CALN1: variants seen among roughly 807,000 people sequenced by gnomAD.
CALN1 encodes calcium-binding protein 8.
A neutral mutation model predicts 30.6 loss-of-function variants in CALN1; 17 were observed. That is an observed-to-expected ratio of 0.56 (90% CI 0.38 to 0.83). The LOEUF (loss-of-function observed/expected upper bound fraction) is 0.83. Among genes scored for constraint, CALN1 ranks in the 40% least tolerant of loss-of-function variants. The pLI is 0.00. For synonymous variants in CALN1, 156 were observed against 131.4 expected, an observed-to-expected ratio of 1.19 and a Z score of -1.28; for missense variants, 291 against 354.9, an observed-to-expected ratio of 0.82 and a Z score of 1.45.
chr7:71,835,100 A>G (rs773715063), intron 5 of CALN1, among the ~76,000 whole-genome samples: 6 of 152,270 alleles, frequency 3.9e-5, no homozygotes, highest in Admixed American at 6.5e-5. Context: ...TGCTCTCCCA[A>G]TGTGCTGGGA....
At chr7:72,373,445 TACTC>T (rs1458430789) in intron 2 of CALN1, among the ~76,000 whole-genome samples, 2 of 152,210 alleles carry the variant, frequency 1.3e-5, no homozygotes, top group African/African-American at 2.4e-5. Flanking sequence ...GCAAAATCAA[TACTC>T]AGTCAATAGA....
chr7:71,915,046 C>CT (rs1239650381), intron 5 of CALN1, among the ~76,000 whole-genome samples: 1 of 152,224 alleles, frequency 6.6e-6, no homozygotes, highest in East Asian at 1.9e-4. Context: ...TACACAAACA[C>CT]TTCCTGTGTT....
At chr7:71,974,991 A>T (rs575574443) in intron 5 of CALN1, among the ~76,000 whole-genome samples, 6 of 152,276 alleles carry the variant, frequency 3.9e-5, no homozygotes, top group African/African-American at 1.2e-4. Context: ...CCTGTCCTTA[A>T]GCCAGGAAGC....
At chr7:72,118,608 A>G (rs1808160072) in intron 3 of CALN1, among the ~76,000 whole-genome samples, 1 of 152,218 alleles carries the variant, frequency 6.6e-6, no homozygotes, top group Admixed American at 6.5e-5. Context: ...AGCAAATTAG[A>G]ACAGAAACAA....
intron 4 of CALN1, among the ~76,000 whole-genome samples, chr7:72,061,644 C>T (rs1426453838): frequency 6.6e-6 from 1 of 151,760 alleles, no homozygotes; most frequent in Non-Finnish European, 1.5e-5. Context: ...TTCTCCTCTT[C>T]TTCTATGATT....
intron 5 of CALN1, among the ~76,000 whole-genome samples, chr7:72,014,503 G>A (rs1187064823): frequency 6.6e-6 from 1 of 152,092 alleles, no homozygotes. Context: ...TAAGATTTCC[G>A]GTGAGGTCGA....
At chr7:72,062,245 T>C (rs1031608045) in intron 4 of CALN1, among the ~76,000 whole-genome samples, 1 of 152,236 alleles carries the variant, frequency 6.6e-6, no homozygotes, top group Non-Finnish European at 1.5e-5. Context: ...CTGGGCACAG[T>C]GGCTCACGCC....
At chr7:72,340,708 C>G (rs1419918567) in intron 2 of CALN1, among the ~76,000 whole-genome samples, 2 of 152,164 alleles carry the variant, frequency 1.3e-5, no homozygotes, top group Non-Finnish European at 2.9e-5. Context: ...TTGGCTGTGT[C>G]CCCTCCCAAA....
In CALN1 at chr7:72,369,142, T is replaced by C. The variant is rs192344035; in HGVS notation, c.119+34109A>G. 3.5e-4 allele frequency among the ~76,000 whole-genome samples: 53 copies of C among 151,836 alleles called. 1 individual carries two copies. The highest frequency in any genetic ancestry group is 2.0e-3 in the Admixed American group (30 of 15,250). ...AAAACTCATTTTAAAAACAGATGTA[T>C]TGAAATCTTACTGACACACAATAAG... On this transcript the variant is annotated intron_variant, in intron 2 of 6. Coordinates refer to ENST00000395275, the MANE Select transcript of CALN1 (RefSeq NM_031468.4).
intron 6 of CALN1, among the ~76,000 whole-genome samples, chr7:71,797,006 C>CA (rs562737536): frequency 1.5e-3 from 223 of 152,284 alleles, no homozygotes; most frequent in African/African-American, 5.1e-3. Flanking sequence ...CTCCACTCAG[C>CA]AAATGACAGG....
At chr7:72,038,872 G>A (rs1170400327) in intron 4 of CALN1, among the ~76,000 whole-genome samples, 1 of 152,190 alleles carries the variant, frequency 6.6e-6, no homozygotes, top group Non-Finnish European at 1.5e-5. Flanking sequence ...GTATCATCAA[G>A]AAATAACCAT....
chr7:71,789,380 G>A (rs983471401), intron 6 of CALN1, among the ~76,000 whole-genome samples: 2 of 152,158 alleles, frequency 1.3e-5, no homozygotes, highest in African/African-American at 4.8e-5. Context: ...TCAGGCTACT[G>A]TGCTTCAGCC....
chr7:71,893,886 A>G (rs1052040370), intron 5 of CALN1, among the ~76,000 whole-genome samples: 4 of 152,130 alleles, frequency 2.6e-5, no homozygotes, highest in Non-Finnish European at 5.9e-5. Flanking sequence ...ATATTGGTCC[A>G]AAGATCATCT....
chr7:72,274,828 A>G (rs983840922), intron 3 of CALN1, among the ~76,000 whole-genome samples: 7 of 152,096 alleles, frequency 4.6e-5, no homozygotes, highest in African/African-American at 1.4e-4. Context: ...ATCCACCTTC[A>G]CTGAGTTTGG....
At chr7:72,062,451 G>A (rs921058762) in intron 4 of CALN1, among the ~76,000 whole-genome samples, 2 of 147,296 alleles carry the variant, frequency 1.4e-5, no homozygotes, top group Non-Finnish European at 3.0e-5. Flanking sequence ...AGTGGAGGTT[G>A]CAGTGAGCCA....
intron 4 of CALN1, among the ~76,000 whole-genome samples, chr7:72,098,410 C>G (rs1258774179): frequency 6.6e-6 from 1 of 152,130 alleles, no homozygotes; most frequent in Non-Finnish European, 1.5e-5. Context: ...TTATTTAACT[C>G]TGAATAGTTC....
At chr7:72,156,321 G>C (rs1787674044) in intron 3 of CALN1, among the ~76,000 whole-genome samples, 2 of 152,150 alleles carry the variant, frequency 1.3e-5, no homozygotes, top group African/African-American at 2.4e-5. Context: ...GATAGGACAG[G>C]ACCAGCTGCT....
At chr7:71,863,908 T>C (rs1373557630) in intron 5 of CALN1, among the ~76,000 whole-genome samples, 1 of 152,226 alleles carries the variant, frequency 6.6e-6, no homozygotes, top group African/African-American at 2.4e-5. Flanking sequence ...AATTCTCCAC[T>C]GGATGTCTGT....
intron 4 of CALN1, among the ~76,000 whole-genome samples, chr7:72,048,411 G>C (rs954675013): frequency 3.3e-5 from 5 of 152,054 alleles, no homozygotes. Context: ...TGTGTGAGTA[G>C]AGCAGCACCT....
Sources: gnomAD v4.1 joint callset for allele counts (sites outside exome capture counted in the v4.1 genomes callset) on GRCh38, gnomAD v4.1.1 for gene constraint, MANE v1.5 for transcripts, NCBI Gene and HGNC (gene_info 2026-07-23, HGNC 2026-07-21) for gene names.